KIAA0513: variants seen among roughly 807,000 people sequenced by gnomAD.
The protein encoded by KIAA0513 is KIAA0513.
KIAA0513 carries 39 observed loss-of-function variants against 56.5 expected under a neutral mutation model. The observed-to-expected ratio is 0.69, with a 90% CI of 0.53 to 0.90. The LOEUF is 0.90. Ranked by LOEUF, KIAA0513 falls within the 40% of genes least tolerant of loss-of-function variation. The probability of loss-of-function intolerance (pLI) is 0.00; values close to 1 mark genes in which losing one functional copy is unlikely to be tolerated. For missense variants in KIAA0513, 591 were observed against 535.2 expected (o/e 1.10, Z -1.03); for synonymous variants, 268 against 215.6 (o/e 1.24, Z -2.13).
chr16:85,078,671 T>C (rs1266364675), intron 7 of KIAA0513, among the ~76,000 whole-genome samples: 2 of 152,236 alleles, frequency 1.3e-5, no homozygotes, highest in Non-Finnish European at 2.9e-5. Context: ...AAATTCCTTA[T>C]CCCAGGAAGG....
chr16:85,058,847 A>G (rs1567531920), intron 1 of KIAA0513, among the ~76,000 whole-genome samples: 1 of 152,234 alleles, frequency 6.6e-6, no homozygotes, highest in South Asian at 2.1e-4. Context: ...GCTACTCTGC[A>G]GATGAATTTG....
At position 85,087,057 on chromosome 16, in the gene KIAA0513, G is replaced by C; in HGVS notation, c.1092-15G>C. ...GGGAGGCCAGCGGGTGACGCTCTTG[G>C]GGTTTCTCCTGCAGCACATTCACGC... On this transcript the variant is annotated splice_polypyrimidine_tract_variant and intron_variant, in intron 11 of 12. Transcript: ENST00000683363. The C allele has an allele frequency of 6.2e-7, 1 of 1,613,408 alleles. No individual in the cohort carries two copies. Among genetic ancestry groups the C allele is most frequent in the Non-Finnish European group, 8.5e-7 (1 of 1,179,362 alleles).
intron 1 of KIAA0513, among the ~76,000 whole-genome samples, chr16:85,034,930 G>C (rs1371731133): frequency 7.2e-5 from 11 of 152,194 alleles, no homozygotes; most frequent in African/African-American, 2.7e-4. Context: ...CCTCTCCTGA[G>C]AAAGTGCAGG....
chr16:85,042,614 A>G (rs2073118858), intron 1 of KIAA0513, among the ~76,000 whole-genome samples: 1 of 152,236 alleles, frequency 6.6e-6, no homozygotes, highest in South Asian at 2.1e-4. Flanking sequence ...GTTACTGGAG[A>G]ATGAAATCAG....
Position 85,088,401 on chromosome 16 carries a change from C to G in KIAA0513, c.*76C>G, listed in dbSNP as rs1259699113. 2.3e-6 allele frequency: 3 copies of G among 1,307,234 alleles called. No homozygotes were observed. Among genetic ancestry groups the G allele is most frequent in the Non-Finnish European group, 2.2e-6 (2 of 917,602 alleles). 81.0% of individuals were successfully genotyped at this position (1,307,234 alleles called of 1,614,324 possible). On this transcript the variant is annotated 3_prime_UTR_variant, in exon 13 of 13. Coordinates refer to ENST00000683363, the MANE Select transcript of KIAA0513 (RefSeq NM_001388359.1). ...CGGGCCCAGCGCCCGGCCGTCACCC[C>G]ACCCGATGACCTGCATGAAGCCAGC...
intron 1 of KIAA0513, among the ~76,000 whole-genome samples, chr16:85,052,384 C>T (rs1474779350): frequency 6.6e-6 from 1 of 152,100 alleles, no homozygotes; most frequent in East Asian, 1.9e-4. Context: ...TGGTGTCAGG[C>T]ACCTGTAATC....
intron 1 of KIAA0513, among the ~76,000 whole-genome samples, chr16:85,048,030 T>C (rs1311848817): frequency 6.6e-6 from 1 of 152,024 alleles, no homozygotes; most frequent in Non-Finnish European, 1.5e-5. Flanking sequence ...ACCAGAACCA[T>C]AAGGAAATGA....
At chr16:85,060,258 G>C (rs2073384813) in intron 1 of KIAA0513, among the ~76,000 whole-genome samples, 1 of 152,232 alleles carries the variant, frequency 6.6e-6, no homozygotes, top group Non-Finnish European at 1.5e-5. Context: ...ACTGTGCCCG[G>C]CTTTCTTAGG....
chr16:85,071,958 T>A, intron 3 of KIAA0513, 76 bp downstream of exon 3: 1 of 969,768 alleles, frequency 1.0e-6, no homozygotes, highest in Non-Finnish European at 1.6e-6. Flanking sequence ...AATTTGACTT[T>A]ATCCTACAAT....
intron 2 of KIAA0513, 148 bp from the exon 3 acceptor site, chr16:85,071,635 G>A (rs1157939491): frequency 1.9e-5 from 12 of 638,380 alleles, no homozygotes; most frequent in East Asian, 1.1e-4. Flanking sequence ...GGGACCGCCC[G>A]GAGGCTGAGA....
intron 1 of KIAA0513, among the ~76,000 whole-genome samples, chr16:85,059,188 A>G (rs2073369867): frequency 1.3e-5 from 2 of 152,340 alleles, no homozygotes; most frequent in Middle Eastern, 6.8e-3. Context: ...GTGTCATCAA[A>G]AGACATGTAA....
intron 1 of KIAA0513, among the ~76,000 whole-genome samples, chr16:85,042,726 G>A (rs1308434270): frequency 6.6e-6 from 1 of 152,162 alleles, no homozygotes; most frequent in Non-Finnish European, 1.5e-5. Context: ...GGGCATTGTG[G>A]AAAAGAATAG....
At chr16:85,062,827 C>T (rs1035465839) in intron 1 of KIAA0513, among the ~76,000 whole-genome samples, 1 of 152,140 alleles carries the variant, frequency 6.6e-6, no homozygotes, top group Non-Finnish European at 1.5e-5. Context: ...CCTCTGTTTT[C>T]GCCAGATGGC....
chr16:85,029,785 C>G (rs1160748958), intron 1 of KIAA0513, among the ~76,000 whole-genome samples: 7 of 152,318 alleles, frequency 4.6e-5, no homozygotes, highest in African/African-American at 9.6e-5. Flanking sequence ...CCCTATTGCC[C>G]GTAATAACCC....
intron 1 of KIAA0513, among the ~76,000 whole-genome samples, chr16:85,054,421 CT>C (rs398042273): frequency 0.3 from 35,820 of 119,622 alleles, 4,192 homozygotes; most frequent in African/African-American, 0.41. Context: ...TTTTTCTTTT[CT>C]TTTTTTTTTT....
intron 1 of KIAA0513, among the ~76,000 whole-genome samples, chr16:85,036,654 T>C (rs1318293689): frequency 2.0e-5 from 3 of 152,156 alleles, no homozygotes; most frequent in Admixed American, 2.0e-4. Context: ...TGTGCTTATG[T>C]GTTACGCCAC....
intron 1 of KIAA0513, among the ~76,000 whole-genome samples, chr16:85,041,289 C>A (rs973956882): frequency 5.3e-5 from 8 of 152,166 alleles, no homozygotes; most frequent in African/African-American, 1.9e-4. Flanking sequence ...CAACTGTTTC[C>A]TCTGTCCGGA....
chr16:85,059,863 C>G (rs148954576), intron 1 of KIAA0513, among the ~76,000 whole-genome samples: 249 of 152,300 alleles, frequency 1.6e-3, no homozygotes, highest in African/African-American at 5.8e-3. Flanking sequence ...TGTGATAATC[C>G]TACTGATTAG....
intron 1 of KIAA0513, among the ~76,000 whole-genome samples, chr16:85,064,370 T>C (rs1296805245): frequency 6.6e-6 from 1 of 152,226 alleles, no homozygotes; most frequent in East Asian, 1.9e-4. Context: ...ATAAATACTG[T>C]TGCAATGAGC....
Sources: allele counts gnomAD v4.1 joint callset (sites outside exome capture counted in the v4.1 genomes callset), GRCh38; gene constraint gnomAD v4.1.1; transcripts MANE v1.5; gene names NCBI Gene and HGNC (gene_info 2026-07-23, HGNC 2026-07-21).